Variants in ITPR2 observed in about 807,000 individuals in gnomAD.
ITPR2 encodes inositol 1,4,5-trisphosphate-gated calcium channel ITPR2.
A neutral mutation model predicts 317.1 loss-of-function variants in ITPR2; 207 were observed. The observed-to-expected ratio is 0.65, with a 90% CI of 0.58 to 0.73. The LOEUF (loss-of-function observed/expected upper bound fraction) is 0.73, where lower values mean the gene tolerates loss of function less well. ITPR2 is among the 30% of genes least tolerant of loss of function. ITPR2 has a pLI of 0.00. For missense variants in ITPR2, 2,613 were observed against 3,284.0 expected (o/e 0.80, Z 4.99); for synonymous variants, 1,156 against 1,149.1 (o/e 1.01, Z -0.12).
chr12:26,673,030 G>T (rs1169346523), intron 13 of ITPR2, among the ~76,000 whole-genome samples: 2 of 152,134 alleles, frequency 1.3e-5, no homozygotes, highest in African/African-American at 4.8e-5. Flanking sequence ...AATAACAGGA[G>T]CTGAAATTGT....
chr12:26,584,732 T>C (rs1031183428), intron 32 of ITPR2, among the ~76,000 whole-genome samples: 18 of 152,216 alleles, frequency 1.2e-4, no homozygotes, highest in Non-Finnish European at 1.6e-4. Flanking sequence ...TTTTAACTTA[T>C]CTGAATTAAA....
chr12:26,396,982 G>A (rs1258524251), intron 54 of ITPR2, among the ~76,000 whole-genome samples: 1 of 151,870 alleles, frequency 6.6e-6, no homozygotes, highest in African/African-American at 2.4e-5. Context: ...TAACTCTCCT[G>A]CTTTCATTAC....
intron 37 of ITPR2, among the ~76,000 whole-genome samples, chr12:26,498,199 T>C (rs1942989309): frequency 1.3e-5 from 2 of 152,214 alleles, no homozygotes; most frequent in Admixed American, 1.3e-4. Flanking sequence ...GTGTAGTAAG[T>C]AAAGGTGGTG....
At chr12:26,779,731 CA>C (rs1176241605) in intron 2 of ITPR2, among the ~76,000 whole-genome samples, 3 of 152,176 alleles carry the variant, frequency 2.0e-5, no homozygotes, top group African/African-American at 7.2e-5. Flanking sequence ...GAAATCTTCC[CA>C]GGGGGCAGAA....
chr12:26,580,213 G>A, intron 32 of ITPR2, 58 bp from the exon 33 acceptor site: 1 of 1,503,644 alleles, frequency 6.7e-7, no homozygotes, highest in South Asian at 1.2e-5. Context: ...CCACAATTCA[G>A]TATTGGAACC....
intron 1 of ITPR2, chr12:26,801,048 G>T: frequency 1.0e-5 from 2 of 193,958 alleles, no homozygotes; most frequent in South Asian, 1.0e-4. Context: ...GCTGACGACT[G>T]AGTGGGCACT....
chr12:26,421,160 TA>T (rs1358262048), intron 49 of ITPR2: 2 of 152,170 alleles, frequency 1.3e-5, no homozygotes, highest in African/African-American at 4.8e-5. Context: ...AAAAGAATAA[TA>T]CATTTAATTT....
At chr12:26,671,992 A>G (rs1442211576) in intron 13 of ITPR2, among the ~76,000 whole-genome samples, 3 of 152,046 alleles carry the variant, frequency 2.0e-5, no homozygotes, top group African/African-American at 7.2e-5. Context: ...TTCAACAAGA[A>G]GAGCTAACTA....
intron 55 of ITPR2, among the ~76,000 whole-genome samples, chr12:26,358,607 AT>A (rs1938717573): frequency 6.6e-6 from 1 of 151,976 alleles, no homozygotes; most frequent in East Asian, 1.9e-4. Context: ...TGTTCTACCC[AT>A]TTCCTTGTCA....
chr12:26,683,507 C>T (rs955757274), intron 11 of ITPR2, among the ~76,000 whole-genome samples: 3 of 152,174 alleles, frequency 2.0e-5, no homozygotes, highest in Non-Finnish European at 4.4e-5. Context: ...AGATGAGCTT[C>T]GTTCATGCAT....
At chr12:26,380,070 T>C (rs567838802) in intron 55 of ITPR2, among the ~76,000 whole-genome samples, 1 of 152,344 alleles carries the variant, frequency 6.6e-6, no homozygotes, top group African/African-American at 2.4e-5. Flanking sequence ...ATGGCAATTC[T>C]ACCCATGAAA....
At chr12:26,830,112 C>T (rs1051494848) in intron 1 of ITPR2, among the ~76,000 whole-genome samples, 2 of 152,198 alleles carry the variant, frequency 1.3e-5, no homozygotes, top group African/African-American at 4.8e-5. Flanking sequence ...CCATGTTGGC[C>T]AGGCTGGTCT....
chr12:26,443,429 TAAAC>T, intron 46 of ITPR2, 110 bp downstream of exon 46: 1 of 721,198 alleles, frequency 1.4e-6, no homozygotes, highest in Non-Finnish European at 2.3e-6. Context: ...TTTTTCAGTT[TAAAC>T]CACTCACTTC....
intron 37 of ITPR2, among the ~76,000 whole-genome samples, chr12:26,512,408 T>A (rs1438690209): frequency 6.6e-6 from 1 of 152,184 alleles, no homozygotes; most frequent in African/African-American, 2.4e-5. Context: ...TCTGCCCTAT[T>A]GCTTATGTAA....
intron 55 of ITPR2, among the ~76,000 whole-genome samples, chr12:26,359,099 G>A (rs1248342423): frequency 1.3e-5 from 2 of 152,236 alleles, no homozygotes; most frequent in East Asian, 3.8e-4. Flanking sequence ...TTCTAGGAGG[G>A]CAGGGCTTTA....
intron 1 of ITPR2, among the ~76,000 whole-genome samples, chr12:26,819,365 A>G (rs1282905195): frequency 6.6e-6 from 1 of 152,224 alleles, no homozygotes; most frequent in Non-Finnish European, 1.5e-5. Context: ...GTCAATAGAT[A>G]TGATATAAAT....
chr12:26,761,134 G>A (rs1366966684), intron 2 of ITPR2, among the ~76,000 whole-genome samples: 2 of 151,922 alleles, frequency 1.3e-5, no homozygotes, highest in Non-Finnish European at 2.9e-5. Flanking sequence ...AAGCCCAGTG[G>A]ACCAAGGCTT....
At chr12:26,677,857 G>A (rs1383287414) in intron 13 of ITPR2, among the ~76,000 whole-genome samples, 1 of 152,102 alleles carries the variant, frequency 6.6e-6, no homozygotes, top group Non-Finnish European at 1.5e-5. Context: ...AGAAAATGAT[G>A]TTGCTCAGAG....
rs556819826 is a variant in ITPR2 at position 26,345,709 on chromosome 12, C to T, written c.7858-5381G>A. On this transcript the variant is annotated intron_variant, in intron 55 of 56. Transcript: ENST00000381340. ...AAATACTCAGAGGTTTCTCTCTCTG[C>T]TCTTATGGCTTCCACAGAAGGCTCA... Among the ~76,000 whole-genome samples the T allele has an allele frequency of 1.6e-4, 25 of 152,314 alleles. No individual in the cohort carries two copies. The South Asian group carries it at 3.9e-3, about 24-fold the overall frequency.
Sources: gnomAD v4.1 joint callset for allele counts (sites outside exome capture counted in the v4.1 genomes callset) on GRCh38, gnomAD v4.1.1 for gene constraint, MANE v1.5 for transcripts, NCBI Gene and HGNC (gene_info 2026-07-23, HGNC 2026-07-21) for gene names.